Variants in SAMSN1 observed in about 807,000 individuals in gnomAD.
The protein encoded by SAMSN1 is SAM domain, SH3 domain and nuclear localization signals 1.
In SAMSN1, 31 loss-of-function variants were observed where a neutral mutation model predicts 42.0. The observed-to-expected ratio is 0.74, with a 90% CI of 0.55 to 1.00. SAMSN1 has a LOEUF of 1.00. Ranked by LOEUF, SAMSN1 falls within the 50% of genes least tolerant of loss-of-function variation. SAMSN1 has a pLI of 0.00. For missense variants in SAMSN1, 464 were observed against 439.4 expected, an observed-to-expected ratio of 1.06 and a Z score of -0.50; for synonymous variants, 178 against 151.9, an observed-to-expected ratio of 1.17 and a Z score of -1.26.
intron 1 of SAMSN1, among the ~76,000 whole-genome samples, chr21:14,644,042 G>C (rs532770847): frequency 6.6e-6 from 1 of 152,126 alleles, no homozygotes; most frequent in African/African-American, 2.4e-5. Context: ...AAACCTTGCC[G>C]CCCAGGGCTG....
intron 1 of SAMSN1, among the ~76,000 whole-genome samples, chr21:14,538,968 G>A (rs114307571): frequency 7.9e-5 from 12 of 152,146 alleles, no homozygotes; most frequent in African/African-American, 2.4e-4. Context: ...TTATTAACAC[G>A]GATCATTAAT....
chr21:14,585,530 T>C (rs1033429881), upstream of SAMSN1: 6 of 152,232 alleles, frequency 3.9e-5, no homozygotes, highest in Admixed American at 2.0e-4. Context: ...GGAAGGTATC[T>C]GAATTCAGGT....
chr21:14,505,284 C>A (rs1041835614), intron 5 of SAMSN1, among the ~76,000 whole-genome samples: 1 of 152,210 alleles, frequency 6.6e-6, no homozygotes, highest in African/African-American at 2.4e-5. Flanking sequence ...GGCCTAAATT[C>A]TCCACTTGAA....
At position 14,523,760 on chromosome 21, in the gene SAMSN1, A is replaced by G. The variant is rs190996336; in HGVS notation, c.58-2539T>C. On this transcript the variant is annotated intron_variant, in intron 1 of 7. Transcript: ENST00000400566. ...ACAATGGGATAATGGGTCCTGTTGC[A>G]CAGGAGGGCACAGAATAGACTCGTT... 7.2e-5 allele frequency among the ~76,000 whole-genome samples: 11 copies of G among 152,270 alleles called. No homozygotes were observed. The East Asian group carries it at 2.1e-3, about 29-fold the overall frequency.
intron 1 of SAMSN1, among the ~76,000 whole-genome samples, chr21:14,533,029 C>T (rs996064120): frequency 6.6e-6 from 1 of 152,082 alleles, no homozygotes; most frequent in Non-Finnish European, 1.5e-5. Flanking sequence ...TCTCCTGCTT[C>T]AGCTTCTTGA....
At chr21:14,560,166 T>A (rs1980900438) in intron 2 of SAMSN1, among the ~76,000 whole-genome samples, 1 of 152,138 alleles carries the variant, frequency 6.6e-6, no homozygotes, top group South Asian at 2.1e-4. Flanking sequence ...CCTGGAGAAG[T>A]TAGGAAATGT....
rs139168359 is a variant in SAMSN1, at chr21:14,602,315, G to A, written c.323-216C>T. On this transcript the variant is annotated intron_variant, in intron 5 of 15. Transcript: ENST00000647101. ...AGAAATTTAACAAAATAGGGATGCC[G>A]CTGACCATCTGTGTCCCTGAGGAAG... Among the ~76,000 whole-genome samples, 419 of 151,902 alleles carry A rather than the reference G, an allele frequency of 2.8e-3. 2 individuals carry two copies. The highest frequency in any genetic ancestry group is 8.5e-3 in the African/African-American group (353 of 41,390).
At chr21:14,609,820 A>T (rs1374516959) in intron 4 of SAMSN1, among the ~76,000 whole-genome samples, 2 of 152,208 alleles carry the variant, frequency 1.3e-5, no homozygotes, top group African/African-American at 4.8e-5. Flanking sequence ...TAATACTTTT[A>T]TAATTTCTTA....
intron 5 of SAMSN1, among the ~76,000 whole-genome samples, chr21:14,606,968 T>C (rs1275403231): frequency 6.6e-6 from 1 of 152,240 alleles, no homozygotes; most frequent in African/African-American, 2.4e-5. Flanking sequence ...ATGCTATTAA[T>C]ATAATGTGTT....
At chr21:14,653,660 G>A (rs551554024) in intron 1 of SAMSN1, among the ~76,000 whole-genome samples, 57 of 152,140 alleles carry the variant, frequency 3.7e-4, no homozygotes, top group African/African-American at 1.3e-3. Context: ...TAAGTGGAAT[G>A]TTTTTAACTC....
rs1332619461 is a variant in SAMSN1 at position 14,626,718 on chromosome 21, G to A, written c.157-10702C>T. 7.1e-4 allele frequency among the ~76,000 whole-genome samples: 108 copies of A among 152,342 alleles called. 1 individual carries two copies. Among genetic ancestry groups the A allele is most frequent in the Admixed American group, 7.0e-3 (107 of 15,296 alleles). ...TTCAACCATTGTGGAAGACAGTGTG[G>A]CGATTCCTCAGGGATCTAGAACTAG... On this transcript the variant is annotated intron_variant, in intron 2 of 15. Coordinates refer to the SAMSN1 transcript ENST00000647101.
At chr21:14,547,708 T>C (rs1170933938), upstream of SAMSN1, among the ~76,000 whole-genome samples, 2 of 152,166 alleles carry the variant, frequency 1.3e-5, no homozygotes, top group African/African-American at 4.8e-5. Context: ...ATTTTACTAA[T>C]TCATTTAACA....
intron 2 of SAMSN1, among the ~76,000 whole-genome samples, chr21:14,571,053 A>T (rs1199326028): frequency 6.6e-6 from 1 of 152,178 alleles, no homozygotes; most frequent in East Asian, 1.9e-4. Context: ...TTTGAACTCT[A>T]TCATCACTAC....
intron 1 of SAMSN1, among the ~76,000 whole-genome samples, chr21:14,544,186 T>C (rs1471193984): frequency 2.0e-5 from 3 of 152,088 alleles, no homozygotes; most frequent in Admixed American, 1.3e-4. Flanking sequence ...GAATAGCTGG[T>C]ACTACATGCA....
At chr21:14,580,749 G>T (rs902316149) in intron 2 of SAMSN1, among the ~76,000 whole-genome samples, 1 of 152,178 alleles carries the variant, frequency 6.6e-6, no homozygotes, top group African/African-American at 2.4e-5. Flanking sequence ...AGTTCCAAGA[G>T]AAAATATGCC....
At chr21:14,536,407 C>G (rs17003494) in intron 1 of SAMSN1, among the ~76,000 whole-genome samples, 5,580 of 152,202 alleles carry the variant, frequency 0.037, 200 homozygotes, top group African/African-American at 0.092. Flanking sequence ...ATCCAAATTT[C>G]CAAACAAAGG....
intron 1 of SAMSN1, among the ~76,000 whole-genome samples, chr21:14,530,968 T>C (rs888325132): frequency 3.3e-5 from 5 of 152,140 alleles, no homozygotes; most frequent in African/African-American, 1.2e-4. Context: ...CTATGCATAT[T>C]TTATTTTTCT....
At chr21:14,622,878 A>G (rs1360046116) in intron 2 of SAMSN1, among the ~76,000 whole-genome samples, 2 of 152,234 alleles carry the variant, frequency 1.3e-5, no homozygotes, top group African/African-American at 4.8e-5. Context: ...GAGAAAAGTC[A>G]GGTTACCCAC....
chr21:14,590,663 A>G (rs995903897), intron 7 of SAMSN1, among the ~76,000 whole-genome samples: 3 of 152,210 alleles, frequency 2.0e-5, no homozygotes, highest in African/African-American at 7.2e-5. Context: ...GGACAGAAGT[A>G]TTCAATTTTT....
Sources: allele counts gnomAD v4.1 joint callset (sites outside exome capture counted in the v4.1 genomes callset), GRCh38; gene constraint gnomAD v4.1.1; transcripts MANE v1.5; gene names NCBI Gene and HGNC (gene_info 2026-07-23, HGNC 2026-07-21).